The following FSTL5 variants were observed in gnomAD, a reference collection of about 807,000 sequenced individuals.
FSTL5 encodes the protein follistatin-related protein 5.
A neutral mutation model predicts 89.1 loss-of-function variants in FSTL5; 62 were observed. The observed-to-expected ratio is 0.70, with a 90% confidence interval of 0.57 to 0.86. The LOEUF (loss-of-function observed/expected upper bound fraction) is 0.86, where lower values mean the gene tolerates loss of function less well. Among genes scored for constraint, FSTL5 ranks in the 40% least tolerant of loss-of-function variants. The pLI, the probability that FSTL5 is intolerant of heterozygous loss-of-function variation, is 0.00. For synonymous variants in FSTL5, 383 were observed against 346.2 expected (o/e 1.11, Z -1.18); for missense variants, 1,057 against 1,001.6 (o/e 1.06, Z -0.75).
At chr4:161,885,836 T>C (rs1732790815) in intron 4 of FSTL5, among the ~76,000 whole-genome samples, 1 of 152,112 alleles carries the variant, frequency 6.6e-6, no homozygotes. Context: ...TGTGTGTATG[T>C]TTTTTCCTTT....
At chr4:161,588,458 A>C (rs905669154) in intron 7 of FSTL5, among the ~76,000 whole-genome samples, 7 of 152,162 alleles carry the variant, frequency 4.6e-5, no homozygotes, top group Non-Finnish European at 1.0e-4. Context: ...ACCACTTCAA[A>C]ATAGTGGAGA....
In FSTL5 at chr4:161,707,180, T is replaced by C. The variant is rs140118153; in HGVS notation, c.728-50686A>G. ...AAATACAAATTGTTTATAATTTGTA[T>C]AAACAATTGCATTAAGAATTACATG... is the stretch of plus-strand genomic sequence containing the variant. On this transcript the variant is annotated intron_variant, in intron 6 of 15. Coordinates refer to ENST00000306100, the MANE Select transcript of FSTL5 (RefSeq NM_020116.5). Among the ~76,000 whole-genome samples, 297 of 152,024 alleles carry C rather than the reference T, an allele frequency of 2.0e-3. 2 individuals are homozygous for C. Among genetic ancestry groups the C allele is most frequent in the African/African-American group, 6.7e-3 (277 of 41,532 alleles).
At chr4:161,893,078 A>G (rs533330390) in intron 4 of FSTL5, among the ~76,000 whole-genome samples, 39 of 152,278 alleles carry the variant, frequency 2.6e-4, no homozygotes, top group African/African-American at 9.1e-4. Flanking sequence ...TTTCCTGTGC[A>G]GCCATTTACC....
intron 15 of FSTL5, among the ~76,000 whole-genome samples, chr4:161,395,099 T>C (rs930918248): frequency 2.0e-5 from 3 of 152,038 alleles, no homozygotes; most frequent in African/African-American, 7.2e-5. Context: ...GAACAAATTC[T>C]CCAGGTCAAG....
At chr4:162,089,632 C>CAAAAAAAAAAAAA (rs755573032) in intron 2 of FSTL5, among the ~76,000 whole-genome samples, 6 of 42,542 alleles carry the variant, frequency 1.4e-4, no homozygotes, top group Admixed American at 2.6e-4. Context: ...GAATCTGTCT[C>CAAAAAAAAAAAAA]AAAAAAAAAA....
intron 7 of FSTL5, among the ~76,000 whole-genome samples, chr4:161,595,264 C>A (rs970050983): frequency 3.3e-5 from 5 of 152,044 alleles, no homozygotes; most frequent in Admixed American, 2.0e-4. Context: ...TGTTGAGGCT[C>A]AGCCATGGTT....
chr4:161,559,028 C>T (rs886291910), intron 8 of FSTL5, among the ~76,000 whole-genome samples: 1 of 151,842 alleles, frequency 6.6e-6, no homozygotes, highest in African/African-American at 2.4e-5. Flanking sequence ...CTTCATACTG[C>T]CGACAAAGTT....
chr4:162,084,296 T>G (rs892989110), intron 2 of FSTL5, among the ~76,000 whole-genome samples: 1 of 151,972 alleles, frequency 6.6e-6, no homozygotes, highest in Non-Finnish European at 1.5e-5. Flanking sequence ...GGAGTCAGGT[T>G]TATATTGCAA....
At chr4:161,475,563 A>C (rs1472715748) in intron 13 of FSTL5, among the ~76,000 whole-genome samples, 1 of 152,026 alleles carries the variant, frequency 6.6e-6, no homozygotes, top group Admixed American at 6.6e-5. Flanking sequence ...CATTTCAATT[A>C]TTGTACTTTT....
chr4:162,099,605 G>A (rs1730905403), intron 2 of FSTL5, among the ~76,000 whole-genome samples: 1 of 151,880 alleles, frequency 6.6e-6, no homozygotes, highest in South Asian at 2.1e-4. Context: ...TTCTGCTATA[G>A]AAATAAACAC....
At position 161,985,613 on chromosome 4, in the gene FSTL5, A is replaced by G. The variant is rs189941335; in HGVS notation, c.160+48012T>C. ...TTTGAATTTGCCTATTTAAATATCC[A>G]TGCACTTATATGAATACTTATACTT... On this transcript the variant is annotated intron_variant, in intron 3 of 15. Coordinates refer to ENST00000306100, the MANE Select transcript of FSTL5 (RefSeq NM_020116.5). 2.5e-3 allele frequency among the ~76,000 whole-genome samples: 380 copies of G among 151,972 alleles called. 4 individuals are homozygous for G. The highest frequency in any genetic ancestry group is 8.5e-3 in the African/African-American group (355 of 41,528).
intron 8 of FSTL5, among the ~76,000 whole-genome samples, chr4:161,577,666 C>G (rs1022497881): frequency 6.6e-6 from 1 of 152,118 alleles, no homozygotes; most frequent in Non-Finnish European, 1.5e-5. Flanking sequence ...GTAGAGAACT[C>G]TGCAGAGACA....
Position 161,516,485 on chromosome 4 carries a change from G to A in FSTL5, c.1313-6061C>T, listed in dbSNP as rs563487025. 4.8e-4 allele frequency among the ~76,000 whole-genome samples: 69 copies of A among 145,172 alleles called. 1 individual carries two copies. The highest frequency in any genetic ancestry group is 1.7e-3 in the African/African-American group (69 of 39,526). ...CACACACTAAGTATATATGTATAGT[G>A]AATTTATATGTAATTTATTATATAT... On this transcript the variant is annotated intron_variant, in intron 10 of 15. Transcript: ENST00000306100.
At chr4:161,514,878 G>T (rs1460147683) in intron 10 of FSTL5, among the ~76,000 whole-genome samples, 1 of 151,916 alleles carries the variant, frequency 6.6e-6, no homozygotes, top group Admixed American at 6.6e-5. Flanking sequence ...TCTTCTGTAA[G>T]AATAAGATGC....
intron 6 of FSTL5, among the ~76,000 whole-genome samples, chr4:161,668,431 C>T (rs1736973361): frequency 6.6e-6 from 1 of 152,152 alleles, no homozygotes; most frequent in South Asian, 2.1e-4. Flanking sequence ...ATGAATTCTA[C>T]CAAACATTTA....
At chr4:161,550,447 C>G (rs1223294234) in intron 8 of FSTL5, among the ~76,000 whole-genome samples, 5 of 151,586 alleles carry the variant, frequency 3.3e-5, no homozygotes, top group Non-Finnish European at 7.4e-5. Flanking sequence ...TTTAGGCTCT[C>G]CTAATGTATT....
chr4:162,042,686 A>T (rs961931983), intron 2 of FSTL5, among the ~76,000 whole-genome samples: 5 of 152,136 alleles, frequency 3.3e-5, no homozygotes, highest in Non-Finnish European at 7.4e-5. Flanking sequence ...ACTCCTCTCC[A>T]TAATAAATTA....
At chr4:161,582,991 G>A (rs1192454813) in intron 8 of FSTL5, among the ~76,000 whole-genome samples, 1 of 151,998 alleles carries the variant, frequency 6.6e-6, no homozygotes, top group Admixed American at 6.6e-5. Context: ...TTCAAGACTA[G>A]CCTGGCTAAG....
chr4:161,747,414 C>T (rs1030564311), intron 6 of FSTL5, among the ~76,000 whole-genome samples: 2 of 151,992 alleles, frequency 1.3e-5, no homozygotes, highest in African/African-American at 2.4e-5. Context: ...TACAATATGC[C>T]ATATACTAAA....
Sources: allele counts gnomAD v4.1 joint callset (sites outside exome capture counted in the v4.1 genomes callset), GRCh38; gene constraint gnomAD v4.1.1; transcripts MANE v1.5; gene names NCBI Gene and HGNC (gene_info 2026-07-23, HGNC 2026-07-21).